FBXL20: variants seen among roughly 807,000 people sequenced by gnomAD.
FBXL20 encodes F-box and leucine rich repeat protein 20, also known as F-box/LRR-repeat protein 20.
Under a neutral mutation model 64.0 loss-of-function variants are expected in FBXL20, and 11 were observed. The observed-to-expected ratio is 0.17, with a 90% confidence interval of 0.11 to 0.28. The LOEUF (loss-of-function observed/expected upper bound fraction) is 0.28. Ranked by LOEUF, FBXL20 falls within the 10% of genes least tolerant of loss-of-function variation. The pLI, the probability that FBXL20 is intolerant of heterozygous loss-of-function variation, is 1.00. For synonymous variants in FBXL20, 184 were observed against 189.0 expected, an observed-to-expected ratio of 0.97 and a Z score of 0.22; for missense variants, 303 against 526.2, an observed-to-expected ratio of 0.58 and a Z score of 4.15.
Position 39,310,352 on chromosome 17 carries a change from G to A in FBXL20, c.105-6713C>T, listed in dbSNP as rs572339322. On this transcript the variant is annotated intron_variant, in intron 2 of 14. Coordinates refer to ENST00000264658, the MANE Select transcript of FBXL20 (RefSeq NM_032875.3). ...TGAATTTGCACATGCAATCCATGAC[G>A]TAGCATGAAAAGACAGCCATGCATG... Among the ~76,000 whole-genome samples the A allele has an allele frequency of 3.3e-5, 5 of 151,958 alleles. No homozygotes were observed. In the East Asian group the frequency reaches 5.8e-4, roughly 18 times the overall value.
At chr17:39,389,976 C>T (rs2048119716) in intron 1 of FBXL20, among the ~76,000 whole-genome samples, 1 of 152,134 alleles carries the variant, frequency 6.6e-6, no homozygotes, top group Admixed American at 6.6e-5. Flanking sequence ...TAGATGTCAA[C>T]TTACAATTTG....
chr17:39,372,199 TG>T (rs1290826382), intron 1 of FBXL20, among the ~76,000 whole-genome samples: 1 of 152,028 alleles, frequency 6.6e-6, no homozygotes, highest in Non-Finnish European at 1.5e-5. Flanking sequence ...CAAAACAGCC[TG>T]GGAATAATTC....
intron 8 of FBXL20, among the ~76,000 whole-genome samples, chr17:39,282,145 C>T (rs1354476648): frequency 6.6e-6 from 1 of 152,120 alleles, no homozygotes; most frequent in African/African-American, 2.4e-5. Context: ...AGAGCCTAGC[C>T]TTAGTTTGTC....
chr17:39,359,791 C>T (rs904948742), intron 1 of FBXL20, among the ~76,000 whole-genome samples: 5 of 152,096 alleles, frequency 3.3e-5, no homozygotes, highest in Non-Finnish European at 5.9e-5. Flanking sequence ...ATTCTTATTC[C>T]TATTTCTTCA....
rs1332785504 is a variant in FBXL20 at position 39,257,955 on chromosome 17, T to G, written c.*3505A>C. 6.5e-6 allele frequency: 1 copy of G among 152,678 alleles called. No homozygotes were observed. The highest frequency in any genetic ancestry group is 1.5e-5 in the Non-Finnish European group (1 of 68,044). The allele number at this position is 152,678 out of a possible 1,614,324, so 9.5% of individuals were successfully genotyped here. ...GCAAATGATGCTGGAAGATGTAAGG[T>G]ATGAGATTAGGGGAAAAACTGCTTA... is the stretch of plus-strand genomic sequence containing the variant. On this transcript the variant is annotated 3_prime_UTR_variant, in exon 15 of 15. Transcript: ENST00000264658.
chr17:39,308,983 C>G lies in FBXL20; in HGVS notation c.105-5344G>C, dbSNP rs372650919. On this transcript the variant is annotated intron_variant, in intron 2 of 14. Coordinates refer to ENST00000264658, the MANE Select transcript of FBXL20 (RefSeq NM_032875.3). The stretch of plus-strand genomic sequence containing the variant: ...AGTAGCTGAGATTACAGGCATGTGC[C>G]ACCACGCCTGACTAATTTTTGTATT... 7.9e-4 allele frequency among the ~76,000 whole-genome samples: 121 copies of G among 152,310 alleles called. 1 individual carries two copies. Among genetic ancestry groups the G allele is most frequent in the African/African-American group, 2.8e-3 (118 of 41,570 alleles).
intron 14 of FBXL20, among the ~76,000 whole-genome samples, chr17:39,262,317 T>C (rs1467407152): frequency 6.6e-6 from 1 of 152,104 alleles, no homozygotes; most frequent in East Asian, 1.9e-4. Context: ...AGTTTCATCT[T>C]GTTGCCCAGG....
intron 7 of FBXL20, 45 bp from the exon 8 acceptor site, chr17:39,282,900 T>G: frequency 6.2e-7 from 1 of 1,605,758 alleles, no homozygotes; most frequent in Non-Finnish European, 8.5e-7. Flanking sequence ...TAAATCCAAT[T>G]CCAAAAACAC....
At chr17:39,308,277 C>A (rs2047201150) in intron 2 of FBXL20, among the ~76,000 whole-genome samples, 1 of 151,952 alleles carries the variant, frequency 6.6e-6, no homozygotes, top group Non-Finnish European at 1.5e-5. Context: ...CACACCTGGC[C>A]CATGGCCAGG....
intron 1 of FBXL20, among the ~76,000 whole-genome samples, chr17:39,346,865 C>A (rs1231841107): frequency 2.1e-5 from 3 of 146,084 alleles, no homozygotes; most frequent in African/African-American, 7.3e-5. Context: ...ACAACAGGTC[C>A]CGGTGTGTGA....
intron 14 of FBXL20, 156 bp downstream of exon 14, chr17:39,264,019 C>T (rs915205200): frequency 1.3e-5 from 10 of 781,834 alleles, no homozygotes; most frequent in Admixed American, 8.8e-5. Context: ...GAGGGAAAAA[C>T]TATCTGTCCT....
At chr17:39,399,686 C>T (rs528605200) in intron 1 of FBXL20, among the ~76,000 whole-genome samples, 88 of 152,208 alleles carry the variant, frequency 5.8e-4, no homozygotes, top group African/African-American at 1.8e-3. Flanking sequence ...ACATCAGCTA[C>T]AAGTTAAAAA....
At chr17:39,358,032 T>A (rs1023729551) in intron 1 of FBXL20, among the ~76,000 whole-genome samples, 5 of 152,326 alleles carry the variant, frequency 3.3e-5, no homozygotes, top group African/African-American at 1.2e-4. Context: ...TTATAAGAAC[T>A]GTCTCACAGA....
At chr17:39,387,141 T>C (rs2048089002) in intron 1 of FBXL20, among the ~76,000 whole-genome samples, 1 of 152,178 alleles carries the variant, frequency 6.6e-6, no homozygotes. Context: ...AAGTTACATG[T>C]GATATTTAAC....
At chr17:39,280,088 A>T (rs1386481778) in intron 9 of FBXL20, among the ~76,000 whole-genome samples, 1 of 152,066 alleles carries the variant, frequency 6.6e-6, no homozygotes, top group Non-Finnish European at 1.5e-5. Context: ...CAAAAAAATC[A>T]GCCAGGTGTG....
At chr17:39,267,769 A>T (rs983904585) in intron 12 of FBXL20, among the ~76,000 whole-genome samples, 2 of 152,130 alleles carry the variant, frequency 1.3e-5, no homozygotes, top group Admixed American at 1.3e-4. Context: ...AATGGTAGAG[A>T]AAGGGGGTGG....
At chr17:39,395,413 G>C (rs1401501493) in intron 1 of FBXL20, among the ~76,000 whole-genome samples, 1 of 152,178 alleles carries the variant, frequency 6.6e-6, no homozygotes, top group African/African-American at 2.4e-5. Context: ...AACAGAGTGA[G>C]ACTCCGTCTC....
chr17:39,264,075 A>G (rs1467807834), intron 14 of FBXL20, 100 bp downstream of exon 14: 3 of 1,266,456 alleles, frequency 2.4e-6, no homozygotes, highest in East Asian at 2.3e-5. Context: ...GTTCAAGTAA[A>G]TATAAAAATC....
intron 3 of FBXL20, among the ~76,000 whole-genome samples, chr17:39,302,805 C>T (rs946929350): frequency 6.6e-6 from 1 of 152,158 alleles, no homozygotes; most frequent in African/African-American, 2.4e-5. Context: ...CCACCAGGCC[C>T]AGCCTTAGTT....
Sources: gnomAD v4.1 joint callset for allele counts (sites outside exome capture counted in the v4.1 genomes callset) on GRCh38, gnomAD v4.1.1 for gene constraint, MANE v1.5 for transcripts, NCBI Gene and HGNC (gene_info 2026-07-23, HGNC 2026-07-21) for gene names.